The following ANKRD11 variants were observed in gnomAD, a reference collection of about 807,000 sequenced individuals.
The protein encoded by ANKRD11 is ankyrin repeat domain 11.
A neutral mutation model predicts 195.7 loss-of-function variants in ANKRD11; 17 were observed. The ratio of observed to expected loss-of-function variants is 0.09; its 90% confidence interval spans 0.06 to 0.13. The LOEUF (loss-of-function observed/expected upper bound fraction) is 0.13, where lower values mean the gene tolerates loss of function less well. Among genes scored for constraint, ANKRD11 ranks in the 10% least tolerant of loss-of-function variants. ANKRD11 has a pLI of 1.00. For missense variants in ANKRD11, 3,735 were observed against 3,566.1 expected (o/e 1.05, Z -1.21); for synonymous variants, 1,953 against 1,528.1 (o/e 1.28, Z -6.49).
intron 1 of ANKRD11, among the ~76,000 whole-genome samples, chr16:89,484,919 C>T (rs922473673): frequency 1.3e-5 from 2 of 152,092 alleles, no homozygotes; most frequent in East Asian, 1.9e-4. Context: ...TGCACAGATG[C>T]GAAGGACAGG....
chr16:89,305,135 G>C, intron 4 of ANKRD11, 71 bp downstream of exon 4: 2 of 1,582,018 alleles, frequency 1.3e-6, no homozygotes, highest in Non-Finnish European at 1.7e-6. Context: ...GCGGGGGCCA[G>C]GGACGCCCTG....
chr16:89,288,714 C>G, intron 6 of ANKRD11, 44 bp from the exon 7 acceptor site: 8 of 1,613,572 alleles, frequency 5.0e-6, no homozygotes, highest in Non-Finnish European at 6.8e-6. Context: ...ATCCTCAGAA[C>G]TTCCCTCCTG....
At chr16:89,456,580 A>C (rs1435306558) in intron 1 of ANKRD11, among the ~76,000 whole-genome samples, 1 of 152,074 alleles carries the variant, frequency 6.6e-6, no homozygotes, top group Non-Finnish European at 1.5e-5. Context: ...GCCAAGTGTC[A>C]ATCAAGACAG....
At chr16:89,445,426 C>G (rs1310456468) in intron 1 of ANKRD11, among the ~76,000 whole-genome samples, 1 of 152,132 alleles carries the variant, frequency 6.6e-6, no homozygotes, top group Non-Finnish European at 1.5e-5. Context: ...GAAGCAACAT[C>G]ACACCTCTCA....
intron 1 of ANKRD11, among the ~76,000 whole-genome samples, chr16:89,481,948 CTTAAATCTCCCAGG>C (rs1486966924): frequency 6.6e-6 from 1 of 152,038 alleles, no homozygotes; most frequent in Non-Finnish European, 1.5e-5. Flanking sequence ...CACTTCTTCC[CTTAAATCTCCCAGG>C]TCACAGAGCC....
intron 2 of ANKRD11, 43 bp downstream of exon 2, chr16:89,418,241 A>G (rs937587695): frequency 8.9e-6 from 4 of 450,126 alleles, no homozygotes; most frequent in East Asian, 7.0e-5. Flanking sequence ...TTACAAATCA[A>G]TGACAAAAAC....
rs535329372 is a variant in ANKRD11, at chr16:89,274,517, G to A, written c.7713+297C>T. On this transcript the variant is annotated intron_variant, in intron 11 of 12. Transcript: ENST00000301030. ...CGCTGACACCCGTGAGAGGTAGGTA[G>A]GGGCAGGTGCTCCAACTGCATGGAC... is the stretch of plus-strand genomic sequence containing the variant. Among the ~76,000 whole-genome samples the A allele has an allele frequency of 7.2e-5, 11 of 152,328 alleles. No homozygotes were observed. In the East Asian group the frequency reaches 1.7e-3, roughly 24 times the overall value.
chr16:89,336,441 A>C (rs1285849593), intron 2 of ANKRD11, among the ~76,000 whole-genome samples: 1 of 152,198 alleles, frequency 6.6e-6, no homozygotes, highest in Non-Finnish European at 1.5e-5. Context: ...CTGTGGTGCT[A>C]GGGACCAGGT....
chr16:89,478,915 A>G (rs1171248222), intron 1 of ANKRD11, among the ~76,000 whole-genome samples: 2 of 152,110 alleles, frequency 1.3e-5, no homozygotes, highest in Non-Finnish European at 1.5e-5. Context: ...GGCCCTCCAG[A>G]CCTTTCACTT....
At chr16:89,379,151 C>CAT (rs2040542053) in intron 2 of ANKRD11, among the ~76,000 whole-genome samples, 1 of 152,242 alleles carries the variant, frequency 6.6e-6, no homozygotes, top group Non-Finnish European at 1.5e-5. Context: ...GGCCGGCCCC[C>CAT]ATGCCTGCCC....
chr16:89,473,946 G>A (rs551588273), intron 1 of ANKRD11, among the ~76,000 whole-genome samples: 5 of 152,314 alleles, frequency 3.3e-5, no homozygotes, highest in South Asian at 2.1e-4. Flanking sequence ...ATTATGTTAC[G>A]TAAGACTTAG....
rs142474138 is a variant in ANKRD11, at chr16:89,293,661, T to C, written c.227-2478A>G. ...GCGGAGGGGAGGAGGCGGGGTGGTATTGGGGCTGCAGAGGGAGGAGCTGGG... is the reference window on the plus strand; with the variant it reads ...GCGGAGGGGAGGAGGCGGGGTGGTACTGGGGCTGCAGAGGGAGGAGCTGGG... On this transcript the variant is annotated intron_variant, in intron 4 of 12. Transcript: ENST00000301030. Among the ~76,000 whole-genome samples, 1,071 of 122,658 alleles carry C rather than the reference T, an allele frequency of 8.7e-3. 25 individuals carry two copies. Among genetic ancestry groups the C allele is most frequent in the African/African-American group, 0.034 (1,018 of 29,966 alleles). The allele number at this position is 122,658 out of a possible 152,430, so 80.5% of individuals were successfully genotyped here.
chr16:89,437,030 T>C (rs963552726), intron 1 of ANKRD11, among the ~76,000 whole-genome samples: 2 of 152,250 alleles, frequency 1.3e-5, no homozygotes, highest in South Asian at 4.1e-4. Flanking sequence ...TTGTCCCCAA[T>C]ATCCTAAAAA....
rs749218033 is a variant in ANKRD11 at position 89,283,302 on chromosome 16, G to T, written c.3240C>A (p.Leu1080=). 5.6e-6 allele frequency: 9 copies of T among 1,613,888 alleles called. No homozygotes were observed. Among genetic ancestry groups the T allele is most frequent in the Non-Finnish European group, 7.6e-6 (9 of 1,180,042 alleles). ...TCTCCTTCTTCTCTTTCCCTTGGTC[G>T]AGAGACGCTTTCCTTTCTTTGTCTT... ...HGKDKERKAS[L]DQGKEKKEKA... is the part of the protein sequence containing the mutation. Residue 1080 remains leucine, a synonymous_variant, in exon 9 of 13, where the codon CTC becomes CTA. Coordinates refer to ENST00000301030, the MANE Select transcript of ANKRD11 (RefSeq NM_013275.6). This position sits in a 1 kb window ranked among gnomAD's most constrained non-coding sequence, Gnocchi z 4.3.
intron 2 of ANKRD11, among the ~76,000 whole-genome samples, chr16:89,413,849 C>CCT (rs1312872920): frequency 6.6e-6 from 1 of 152,148 alleles, no homozygotes; most frequent in Non-Finnish European, 1.5e-5. Context: ...CCAGAAAGAG[C>CCT]CTCTCTCTGC....
chr16:89,286,707 A>C (rs1195335657), intron 7 of ANKRD11: 1 of 1,253,780 alleles, frequency 8.0e-7, no homozygotes. Context: ...ATTAGAAAAT[A>C]ATCTCTCCCT....
chr16:89,333,082 C>T (rs760113677), intron 2 of ANKRD11, among the ~76,000 whole-genome samples: 3 of 152,304 alleles, frequency 2.0e-5, no homozygotes, highest in Admixed American at 6.5e-5. Flanking sequence ...TGCAGAAAAA[C>T]GCCTGCCCCC....
intron 2 of ANKRD11, among the ~76,000 whole-genome samples, chr16:89,340,639 C>CT (rs1315642630): frequency 1.3e-5 from 2 of 152,222 alleles, no homozygotes; most frequent in Non-Finnish European, 2.9e-5. Context: ...TGCACATCAT[C>CT]TTTTTTTCTA....
intron 1 of ANKRD11, among the ~76,000 whole-genome samples, chr16:89,448,850 C>A (rs945897150): frequency 8.5e-5 from 13 of 152,154 alleles, no homozygotes; most frequent in African/African-American, 1.7e-4. Flanking sequence ...GGCAGGAGAG[C>A]TCTTTCTATC....
Sources: gnomAD v4.1 joint callset for allele counts (sites outside exome capture counted in the v4.1 genomes callset) on GRCh38, gnomAD v4.1.1 for gene constraint, Gnocchi (gnomAD v3.1) non-coding constraint, MANE v1.5 for transcripts, NCBI Gene and HGNC (gene_info 2026-07-23, HGNC 2026-07-21) for gene names.